PDE4B: variants seen among roughly 807,000 people sequenced by gnomAD.
PDE4B encodes 3',5'-cyclic-AMP phosphodiesterase 4B.
PDE4B carries 20 observed loss-of-function variants against 82.2 expected under a neutral mutation model. That is an observed-to-expected ratio of 0.24 (90% CI 0.17 to 0.35). The LOEUF (loss-of-function observed/expected upper bound fraction) is 0.35. Ranked by LOEUF, PDE4B falls within the 10% of genes least tolerant of loss-of-function variation. The probability of loss-of-function intolerance (pLI) is 1.00; values close to 1 mark genes in which losing one functional copy is unlikely to be tolerated. For missense variants in PDE4B, 655 were observed against 907.2 expected, an observed-to-expected ratio of 0.72 and a Z score of 3.57; for synonymous variants, 320 against 318.9, an observed-to-expected ratio of 1.00 and a Z score of -0.04.
intron 8 of PDE4B, among the ~76,000 whole-genome samples, chr1:66,341,174 C>T (rs1490571826): frequency 1.3e-5 from 2 of 152,172 alleles, no homozygotes; most frequent in African/African-American, 4.8e-5. Context: ...ACCTAATGTA[C>T]TCCAAATAAC....
chr1:65,894,537 TA>T (rs1646888093), intron 1 of PDE4B, among the ~76,000 whole-genome samples: 1 of 152,114 alleles, frequency 6.6e-6, no homozygotes, highest in South Asian at 2.1e-4. Context: ...ATTCTAAACC[TA>T]AAAACTTTGC....
chr1:66,049,372 G>A (rs1412749842), intron 3 of PDE4B, among the ~76,000 whole-genome samples: 1 of 152,034 alleles, frequency 6.6e-6, no homozygotes, highest in Non-Finnish European at 1.5e-5. Context: ...AGGGAAAAGA[G>A]TGGGAGTGTG....
At chr1:66,128,598 T>C (rs1337123010) in intron 3 of PDE4B, among the ~76,000 whole-genome samples, 1 of 148,320 alleles carries the variant, frequency 6.7e-6, no homozygotes, top group East Asian at 1.9e-4. Flanking sequence ...GGACATAACT[T>C]CTTCTTCTTA....
rs562683442 is a variant in PDE4B, at chr1:66,290,785, A to G, written c.634+24698A>G. Among the ~76,000 whole-genome samples, 3 of 152,324 alleles carry G rather than the reference A, an allele frequency of 2.0e-5. No homozygotes were observed. In the South Asian group the frequency reaches 6.2e-4, roughly 32 times the overall value. On this transcript the variant is annotated intron_variant, in intron 7 of 16. Transcript: ENST00000341517. ...GAAGCTGCCTTGGGGACTTGGCCAC[A>G]AGAAACCTTCCACCCACCAGGCTAC... is the stretch of plus-strand genomic sequence containing the variant.
At chr1:66,209,923 C>T (rs1463412953) in intron 3 of PDE4B, among the ~76,000 whole-genome samples, 1 of 152,014 alleles carries the variant, frequency 6.6e-6, no homozygotes, top group African/African-American at 2.4e-5. Context: ...TTCCATTTGT[C>T]TCCTGATGTG....
chr1:66,033,343 C>T (rs1653893806), intron 3 of PDE4B, among the ~76,000 whole-genome samples: 1 of 152,110 alleles, frequency 6.6e-6, no homozygotes, highest in Non-Finnish European at 1.5e-5. Context: ...TGCTCCCATT[C>T]TTTCTCTGTC....
chr1:65,917,391 C>G (rs552424698), intron 2 of PDE4B, among the ~76,000 whole-genome samples: 1 of 152,280 alleles, frequency 6.6e-6, no homozygotes, highest in African/African-American at 2.4e-5. Flanking sequence ...GAGTAATTTT[C>G]AGGTGAGAGA....
chr1:65,858,239 GAGA>G (rs2100242901), intron 1 of PDE4B, among the ~76,000 whole-genome samples: 1 of 152,270 alleles, frequency 6.6e-6, no homozygotes, highest in East Asian at 1.9e-4. Flanking sequence ...CAGTTCAGCT[GAGA>G]AGATTTAAAT....
intron 7 of PDE4B, among the ~76,000 whole-genome samples, chr1:66,268,654 C>T (rs1215408204): frequency 1.0e-5 from 1 of 98,474 alleles, no homozygotes; most frequent in African/African-American, 4.2e-5. Context: ...GGTGACAGAG[C>T]AAGACTCCAT....
chr1:66,374,438 C>T lies in PDE4B; in HGVS notation c.*1760C>T, dbSNP rs1386801124. ...CATGACCAATGTATGTCTATGAACACTGCATTGTTTCAGGTGGACATTTTA... is the reference window on the plus strand; with the variant it reads ...CATGACCAATGTATGTCTATGAACATTGCATTGTTTCAGGTGGACATTTTA... On this transcript the variant is annotated 3_prime_UTR_variant, in exon 17 of 17. Transcript: ENST00000341517. 6.6e-6 allele frequency: 1 copy of T among 152,528 alleles called. No homozygotes were observed. Among genetic ancestry groups the T allele is most frequent in the Non-Finnish European group, 1.5e-5 (1 of 68,012 alleles). 9.4% of individuals were successfully genotyped at this position (152,528 alleles called of 1,614,324 possible).
chr1:66,024,017 G>C (rs1653295244), intron 3 of PDE4B, among the ~76,000 whole-genome samples: 1 of 152,124 alleles, frequency 6.6e-6, no homozygotes, highest in South Asian at 2.1e-4. Context: ...AATGTGAATT[G>C]TTTCAGGCGG....
chr1:65,969,586 C>CT (rs919249096), intron 3 of PDE4B, among the ~76,000 whole-genome samples: 16 of 152,230 alleles, frequency 1.1e-4, no homozygotes, highest in African/African-American at 3.8e-4. Flanking sequence ...AAAGCACTAA[C>CT]TTTTTTGAGA....
chr1:66,226,034 A>T (rs1247484905), intron 3 of PDE4B, among the ~76,000 whole-genome samples: 1 of 152,192 alleles, frequency 6.6e-6, no homozygotes, highest in Non-Finnish European at 1.5e-5. Flanking sequence ...AGCCTTGTGG[A>T]ATTGGTGTGA....
chr1:66,302,738 C>T (rs1657988305), intron 7 of PDE4B, among the ~76,000 whole-genome samples: 1 of 152,164 alleles, frequency 6.6e-6, no homozygotes, highest in Non-Finnish European at 1.5e-5. Context: ...TGCTTGCTTT[C>T]TGGTGCAACA....
intron 3 of PDE4B, among the ~76,000 whole-genome samples, chr1:66,067,469 G>T (rs1245316795): frequency 1.3e-5 from 2 of 152,026 alleles, no homozygotes; most frequent in African/African-American, 2.4e-5. Context: ...TGTGTCTTTT[G>T]GCTGCATAAG....
intron 3 of PDE4B, among the ~76,000 whole-genome samples, chr1:65,997,809 A>G (rs1226788519): frequency 2.0e-5 from 3 of 152,216 alleles, no homozygotes; most frequent in Non-Finnish European, 2.9e-5. Flanking sequence ...AACTTATGCA[A>G]TAATAATTAA....
intron 7 of PDE4B, among the ~76,000 whole-genome samples, chr1:66,307,851 A>G (rs929812150): frequency 2.6e-5 from 4 of 152,138 alleles, no homozygotes; most frequent in African/African-American, 7.2e-5. Context: ...TAAAGAGTCA[A>G]GCAGACTGGG....
intron 7 of PDE4B, among the ~76,000 whole-genome samples, chr1:66,309,576 A>G (rs767263808): frequency 2.0e-5 from 3 of 152,190 alleles, no homozygotes; most frequent in Non-Finnish European, 4.4e-5. Context: ...AGCACCACAG[A>G]TTGCAGCAAA....
intron 3 of PDE4B, among the ~76,000 whole-genome samples, chr1:66,227,717 A>G (rs1403888735): frequency 6.6e-6 from 1 of 152,234 alleles, no homozygotes; most frequent in Non-Finnish European, 1.5e-5. Context: ...ACTTACCAAC[A>G]TAGGTAGCAT....
Sources: gnomAD v4.1 joint callset for allele counts (sites outside exome capture counted in the v4.1 genomes callset) on GRCh38, gnomAD v4.1.1 for gene constraint, MANE v1.5 for transcripts, NCBI Gene and HGNC (gene_info 2026-07-23, HGNC 2026-07-21) for gene names.